Variants in ATE1 observed in about 807,000 individuals in gnomAD.
The protein encoded by ATE1 is arginyl-tRNA--protein transferase 1.
In ATE1, 36 loss-of-function variants were observed where a neutral mutation model predicts 70.5. That is an observed-to-expected ratio of 0.51 (90% CI 0.39 to 0.67). ATE1 has a LOEUF of 0.67. Among genes scored for constraint, ATE1 ranks in the 30% least tolerant of loss-of-function variants. The pLI is 0.00. For missense variants in ATE1, 593 were observed against 629.5 expected (o/e 0.94, Z 0.62); for synonymous variants, 232 against 219.3 (o/e 1.06, Z -0.51).
At chr10:121,927,421 C>G (rs1952140119) in intron 1 of ATE1, 3 of 985,006 alleles carry the variant, frequency 3.0e-6, no homozygotes, top group Non-Finnish European at 2.4e-6. Flanking sequence ...TCATACATGA[C>G]CGGCACCTGT....
At chr10:121,923,994 G>A (rs559421610) in intron 2 of ATE1, among the ~76,000 whole-genome samples, 80 of 152,312 alleles carry the variant, frequency 5.3e-4, no homozygotes, top group African/African-American at 1.7e-3. Context: ...AGGTGGAGCA[G>A]GAGAATCAAA....
intron 11 of ATE1, among the ~76,000 whole-genome samples, chr10:121,786,263 A>G (rs1946207879): frequency 7.4e-6 from 1 of 135,938 alleles, no homozygotes. Context: ...TTTAATACCA[A>G]TGATAATATA....
In ATE1 at chr10:121,922,303, C is replaced by G. The variant is rs372613046; in HGVS notation, c.233+46G>C. ...CAAGAGACTACTAAAATATTATACACAATCTTCATACTATAAATCCTCTTT... is the reference window on the plus strand; with the variant it reads ...CAAGAGACTACTAAAATATTATACAGAATCTTCATACTATAAATCCTCTTT... On this transcript the variant is annotated intron_variant, in intron 3 of 11. Coordinates refer to ENST00000224652, the MANE Select transcript of ATE1 (RefSeq NM_001001976.3). 13 of 1,319,572 alleles carry G rather than the reference C, an allele frequency of 9.9e-6. No homozygotes were observed. In the African/African-American group the frequency reaches 1.9e-4, roughly 19 times the overall value. The allele number at this position is 1,319,572 out of a possible 1,614,324, so 81.7% of individuals were successfully genotyped here.
intron 7 of ATE1, among the ~76,000 whole-genome samples, chr10:121,893,052 C>G (rs1313550089): frequency 6.6e-6 from 1 of 151,962 alleles, no homozygotes; most frequent in Non-Finnish European, 1.5e-5. Flanking sequence ...CCGAGGCAGA[C>G]AGATCACGAG....
intron 10 of ATE1, among the ~76,000 whole-genome samples, 192 bp downstream of exon 10, chr10:121,836,526 C>T (rs986322717): frequency 6.6e-6 from 1 of 152,100 alleles, no homozygotes; most frequent in African/African-American, 2.4e-5. Context: ...CACAATAATG[C>T]AATGGATTAC....
At chr10:121,774,095 T>C (rs1411054305) in intron 11 of ATE1, among the ~76,000 whole-genome samples, 1 of 152,182 alleles carries the variant, frequency 6.6e-6, no homozygotes, top group Non-Finnish European at 1.5e-5. Flanking sequence ...ATTTTAAAAA[T>C]GACAATATAA....
At chr10:121,857,655 T>C (rs1000754985) in intron 8 of ATE1, among the ~76,000 whole-genome samples, 8 of 152,180 alleles carry the variant, frequency 5.3e-5, no homozygotes, top group African/African-American at 1.9e-4. Context: ...CACTCATACA[T>C]TCATCATAGC....
At chr10:121,805,791 G>A (rs1473983936) in intron 10 of ATE1, among the ~76,000 whole-genome samples, 1 of 152,180 alleles carries the variant, frequency 6.6e-6, no homozygotes, top group Non-Finnish European at 1.5e-5. Flanking sequence ...ACTGGCAAAA[G>A]ATTGTGGGCA....
chr10:121,878,210 TACTG>T (rs1950116769), intron 7 of ATE1, among the ~76,000 whole-genome samples: 1 of 152,096 alleles, frequency 6.6e-6, no homozygotes, highest in Non-Finnish European at 1.5e-5. Flanking sequence ...GGTAGGAAAA[TACTG>T]ACTGGGAAGG....
intron 10 of ATE1, among the ~76,000 whole-genome samples, chr10:121,825,010 GA>G (rs1210110457): frequency 1.3e-5 from 2 of 149,296 alleles, no homozygotes; most frequent in Non-Finnish European, 3.0e-5. Context: ...ACAAAGTAAA[GA>G]AAAAAAGGAA....
At chr10:121,757,483 G>C (rs949589752) in intron 11 of ATE1, among the ~76,000 whole-genome samples, 6 of 152,150 alleles carry the variant, frequency 3.9e-5, no homozygotes, top group African/African-American at 1.4e-4. Context: ...TCAGGCTGCT[G>C]ATAAAGACAT....
intron 7 of ATE1, among the ~76,000 whole-genome samples, chr10:121,897,557 G>A (rs975086652): frequency 1.3e-5 from 2 of 152,086 alleles, no homozygotes; most frequent in Admixed American, 6.6e-5. Context: ...GGCCGGACCC[G>A]GTGGCTCATG....
intron 11 of ATE1, among the ~76,000 whole-genome samples, chr10:121,750,534 T>A (rs1944537670): frequency 6.6e-6 from 1 of 151,668 alleles, no homozygotes. Context: ...AACTACTTGA[T>A]TTTTTCCCCC....
chr10:121,860,966 C>T (rs957439202), intron 8 of ATE1, among the ~76,000 whole-genome samples: 2 of 152,330 alleles, frequency 1.3e-5, no homozygotes, highest in East Asian at 1.9e-4. Flanking sequence ...ATACATCCCA[C>T]AGTGACAACC....
In ATE1 at chr10:121,790,202, T is replaced by C. The variant is rs749030906; in HGVS notation, c.1345A>G (p.Lys449Glu). The C allele has an allele frequency of 1.2e-6, 2 of 1,613,882 alleles. No individual in the cohort carries two copies. Among genetic ancestry groups the C allele is most frequent in the African/African-American group, 2.7e-5 (2 of 74,894 alleles). Residue 449 changes from lysine to glutamate, a missense_variant, in exon 11 of 12, where the codon AAG becomes GAG. Around this residue, in one of 3 missense-constraint regions of ATE1, gnomAD observed 90 missense variants for 93.7 expected, o/e 0.96. Coordinates refer to ENST00000224652, the MANE Select transcript of ATE1 (RefSeq NM_001001976.3). ...GGGTCCTGGTTGAAACGGCAGTACT[T>C]GGAGTTTTCAAGTGAAGGCAGGCAT... is the stretch of plus-strand genomic sequence containing the variant. Reference protein sequence around the residue: ...EQCLPSLENSKYCRFNQDPEA... With the variant: ...EQCLPSLENSEYCRFNQDPEA...
chr10:121,859,898 G>T (rs1021647270), intron 8 of ATE1, among the ~76,000 whole-genome samples: 3 of 152,248 alleles, frequency 2.0e-5, no homozygotes, highest in African/African-American at 7.2e-5. Flanking sequence ...GCAAGATCGT[G>T]CCACTGCACT....
At chr10:121,853,034 T>C (rs1037046273) in intron 8 of ATE1, among the ~76,000 whole-genome samples, 2 of 152,154 alleles carry the variant, frequency 1.3e-5, no homozygotes, top group Non-Finnish European at 2.9e-5. Flanking sequence ...CTATTTTCTG[T>C]ATTTTTCAAT....
At chr10:121,892,211 A>G (rs1950603182) in intron 7 of ATE1, among the ~76,000 whole-genome samples, 1 of 152,184 alleles carries the variant, frequency 6.6e-6, no homozygotes. Flanking sequence ...TGCCAAGTGG[A>G]GAAAGAATTT....
chr10:121,914,822 A>G (rs540604610), intron 3 of ATE1, among the ~76,000 whole-genome samples: 7 of 152,226 alleles, frequency 4.6e-5, no homozygotes, highest in Admixed American at 1.3e-4. Flanking sequence ...AAAAGTGTAC[A>G]CAGTACATGT....
Sources: gnomAD v4.1 joint callset for allele counts (sites outside exome capture counted in the v4.1 genomes callset) on GRCh38, gnomAD v4.1.1 for gene constraint, gnomAD v4.1.1 regional missense constraint, MANE v1.5 for transcripts, NCBI Gene and HGNC (gene_info 2026-07-23, HGNC 2026-07-21) for gene names.